The following STX8 variants were observed in gnomAD, a reference collection of about 807,000 sequenced individuals.
STX8 encodes syntaxin-8.
In STX8, 23 loss-of-function variants were observed where a neutral mutation model predicts 37.5. The observed-to-expected ratio is 0.61, with a 90% CI of 0.44 to 0.87. The LOEUF is 0.87. STX8 is among the 40% of genes least tolerant of loss of function. STX8 has a pLI of 0.00. For missense variants in STX8, 313 were observed against 284.7 expected (o/e 1.10, Z -0.71); for synonymous variants, 115 against 99.1 (o/e 1.16, Z -0.95).
At chr17:9,437,187 C>T (rs573824677) in intron 6 of STX8, among the ~76,000 whole-genome samples, 1 of 152,166 alleles carries the variant, frequency 6.6e-6, no homozygotes, top group East Asian at 1.9e-4. Flanking sequence ...GCAAATATCG[C>T]GTTGCTTAAA....
chr17:9,373,462 C>T (rs1415721963), intron 7 of STX8, among the ~76,000 whole-genome samples: 1 of 152,186 alleles, frequency 6.6e-6, no homozygotes, highest in East Asian at 1.9e-4. Flanking sequence ...CACACTACAA[C>T]ATGGATGAAT....
At chr17:9,407,197 G>A (rs1912831831) in intron 6 of STX8, among the ~76,000 whole-genome samples, 1 of 152,144 alleles carries the variant, frequency 6.6e-6, no homozygotes, top group Admixed American at 6.5e-5. Flanking sequence ...TTTAATATAT[G>A]TGACTTTTAA....
intron 7 of STX8, among the ~76,000 whole-genome samples, chr17:9,319,702 C>T (rs1289268890): frequency 6.6e-6 from 1 of 152,208 alleles, no homozygotes; most frequent in Non-Finnish European, 1.5e-5. Context: ...CCTGTAATCC[C>T]AGCACTTTGG....
intron 7 of STX8, among the ~76,000 whole-genome samples, chr17:9,272,842 G>A (rs1427589693): frequency 6.6e-6 from 1 of 152,182 alleles, no homozygotes; most frequent in Non-Finnish European, 1.5e-5. Flanking sequence ...TATCCTAGGA[G>A]CAGGATGGGT....
intron 4 of STX8, among the ~76,000 whole-genome samples, chr17:9,512,085 T>C (rs774852311): frequency 4.6e-5 from 7 of 152,084 alleles, no homozygotes; most frequent in Non-Finnish European, 1.0e-4. Flanking sequence ...ATGAAAGAAA[T>C]TGAAGAGGAT....
chr17:9,271,040 G>A (rs919782553), intron 7 of STX8, among the ~76,000 whole-genome samples: 1 of 152,064 alleles, frequency 6.6e-6, no homozygotes, highest in African/African-American at 2.4e-5. Context: ...CCCTCTATTG[G>A]GAGACATTCT....
chr17:9,343,747 C>T (rs1910447284), intron 7 of STX8, among the ~76,000 whole-genome samples: 1 of 152,160 alleles, frequency 6.6e-6, no homozygotes, highest in South Asian at 2.1e-4. Context: ...CAACCCCACC[C>T]CCTCCTCCTG....
intron 7 of STX8, among the ~76,000 whole-genome samples, chr17:9,355,115 CTTTT>C (rs1207993904): frequency 6.6e-6 from 1 of 152,096 alleles, no homozygotes; most frequent in African/African-American, 2.4e-5. Flanking sequence ...TGACATGGGT[CTTTT>C]TTTATTTCAT....
In STX8 at chr17:9,507,142, C is replaced by T. The variant is rs565405043; in HGVS notation, c.324-1980G>A. Among the ~76,000 whole-genome samples the T allele has an allele frequency of 6.6e-5, 10 of 152,038 alleles. No homozygotes were observed. The highest frequency in any genetic ancestry group is 1.3e-4 in the Admixed American group (2 of 15,278). ...AACTGACAGGCTAGCAGAGTGACTA[C>T]GCTCCTGCATCCCGGATCTATGAAA... On this transcript the variant is annotated intron_variant, in intron 4 of 7. Coordinates refer to ENST00000306357, the MANE Select transcript of STX8 (RefSeq NM_004853.3). The surrounding 1 kb of genome is among the most constrained non-coding windows in gnomAD (Gnocchi z 4.0).
intron 7 of STX8, among the ~76,000 whole-genome samples, chr17:9,316,726 C>T (rs1909393279): frequency 6.6e-6 from 1 of 152,076 alleles, no homozygotes; most frequent in African/African-American, 2.4e-5. Flanking sequence ...ATAATCGAAC[C>T]CAAGGAAGGG....
chr17:9,420,256 C>T (rs1407033598), intron 6 of STX8, among the ~76,000 whole-genome samples: 4 of 152,216 alleles, frequency 2.6e-5, no homozygotes, highest in African/African-American at 4.8e-5. Context: ...CTCAGAAATC[C>T]TTGCCCACAG....
At chr17:9,289,657 G>C (rs1908241687) in intron 7 of STX8, among the ~76,000 whole-genome samples, 1 of 151,666 alleles carries the variant, frequency 6.6e-6, no homozygotes, top group South Asian at 2.1e-4. Context: ...GCGGGCGCCT[G>C]TAGTCCCAGC....
intron 7 of STX8, chr17:9,377,940 C>T (rs1341096818): frequency 6.6e-6 from 1 of 152,518 alleles, no homozygotes; most frequent in Admixed American, 6.5e-5. Flanking sequence ...CAAAAGTCTG[C>T]ATCAGAATTT....
intron 6 of STX8, among the ~76,000 whole-genome samples, chr17:9,436,120 C>T (rs949459392): frequency 2.0e-5 from 3 of 151,638 alleles, no homozygotes; most frequent in Non-Finnish European, 4.4e-5. Flanking sequence ...CCGTGGCTCA[C>T]GAGGTCAGGT....
chr17:9,335,766 T>C (rs935731880), intron 7 of STX8, among the ~76,000 whole-genome samples: 1 of 152,120 alleles, frequency 6.6e-6, no homozygotes, highest in African/African-American at 2.4e-5. Context: ...AAATAAATTA[T>C]AGTTACACTA....
At chr17:9,393,542 G>C (rs1912299966) in intron 6 of STX8, among the ~76,000 whole-genome samples, 1 of 152,184 alleles carries the variant, frequency 6.6e-6, no homozygotes, top group South Asian at 2.1e-4. Flanking sequence ...ATATACCATA[G>C]AGCAGGGTAG....
chr17:9,567,875 G>A (rs1332295331), intron 2 of STX8, among the ~76,000 whole-genome samples: 2 of 151,970 alleles, frequency 1.3e-5, no homozygotes, highest in East Asian at 3.9e-4. Context: ...TAGTAGAGAT[G>A]GGGTTTCCCC....
At chr17:9,450,853 A>C (rs1443811396) in intron 6 of STX8, among the ~76,000 whole-genome samples, 2 of 151,992 alleles carry the variant, frequency 1.3e-5, no homozygotes, top group Non-Finnish European at 2.9e-5. Flanking sequence ...CTTAACCAGC[A>C]ATGCAGGAAG....
At chr17:9,351,176 C>CTTT (rs71135970) in intron 7 of STX8, among the ~76,000 whole-genome samples, 304 of 99,800 alleles carry the variant, frequency 3.0e-3, no homozygotes, top group Middle Eastern at 8.3e-3. Flanking sequence ...ATTTCCTTGT[C>CTTT]TTTTTTTTTT....
Sources: allele counts gnomAD v4.1 joint callset (sites outside exome capture counted in the v4.1 genomes callset), GRCh38; gene constraint gnomAD v4.1.1; non-coding constraint Gnocchi (gnomAD v3.1); transcripts MANE v1.5; gene names NCBI Gene and HGNC (gene_info 2026-07-23, HGNC 2026-07-21).